Variants in PDE1A observed in about 807,000 individuals in gnomAD.
PDE1A encodes the protein phosphodiesterase 1A, also known as dual specificity calcium/calmodulin-dependent 3',5'-cyclic nucleotide phosphodiesterase 1A.
PDE1A carries 35 observed loss-of-function variants against 61.7 expected under a neutral mutation model. That is an observed-to-expected ratio of 0.57 (90% CI 0.43 to 0.75). The LOEUF is 0.75. PDE1A is among the 30% of genes least tolerant of loss of function. PDE1A has a pLI of 0.00. For missense variants in PDE1A, 597 were observed against 630.6 expected, an observed-to-expected ratio of 0.95 and a Z score of 0.57; for synonymous variants, 232 against 213.2, an observed-to-expected ratio of 1.09 and a Z score of -0.77.
chr2:182,552,046 CA>C, the PDE1A span, among the ~76,000 whole-genome samples: 3 of 152,084 alleles, frequency 2.0e-5, no homozygotes, highest in Non-Finnish European at 4.4e-5. Flanking sequence ...TGATCACTAC[CA>C]GCCAGCCATC....
chr2:182,453,433 T>A (rs1036819345), intron 2 of PDE1A, among the ~76,000 whole-genome samples: 1 of 151,310 alleles, frequency 6.6e-6, no homozygotes, highest in African/African-American at 2.4e-5. Context: ...AACTTCTTCA[T>A]TAAAAAAAAA....
chr2:182,334,122 C>A (rs1272766795), intron 1 of PDE1A, among the ~76,000 whole-genome samples: 1 of 152,078 alleles, frequency 6.6e-6, no homozygotes, highest in South Asian at 2.1e-4. Context: ...CAGGACCAGA[C>A]AGATTCACAG....
chr2:182,233,706 C>T (rs1689763520), intron 4 of PDE1A, among the ~76,000 whole-genome samples: 1 of 151,390 alleles, frequency 6.6e-6, no homozygotes, highest in South Asian at 2.1e-4. Context: ...GCAATCGAAA[C>T]AAGTTTAGAA....
At chr2:182,304,820 A>G (rs1311738328) in intron 1 of PDE1A, among the ~76,000 whole-genome samples, 1 of 152,206 alleles carries the variant, frequency 6.6e-6, no homozygotes, top group Non-Finnish European at 1.5e-5. Context: ...ACTGATCACC[A>G]TAACACACAT....
At chr2:182,265,525 AAT>A (rs1023028971) in intron 1 of PDE1A, among the ~76,000 whole-genome samples, 6 of 152,078 alleles carry the variant, frequency 3.9e-5, no homozygotes, top group Non-Finnish European at 8.8e-5. Context: ...GATGTGTCCC[AAT>A]GCTCTGAGGA....
chr2:182,570,885 C>A, the PDE1A span, among the ~76,000 whole-genome samples: 1 of 152,098 alleles, frequency 6.6e-6, no homozygotes, highest in African/African-American at 2.4e-5. Context: ...GCCTGTGGAG[C>A]ACTGGGTAAG....
the PDE1A span, among the ~76,000 whole-genome samples, chr2:182,538,020 T>A: frequency 9.2e-5 from 14 of 152,122 alleles, no homozygotes; most frequent in Admixed American, 4.6e-4. Context: ...TCCCCTGCAC[T>A]CTCTTTCCCA....
At chr2:182,686,116 T>C in the PDE1A span, among the ~76,000 whole-genome samples, 1 of 152,186 alleles carries the variant, frequency 6.6e-6, no homozygotes, top group Admixed American at 6.5e-5. Flanking sequence ...CTGGAAAATT[T>C]TCTGATCACT....
At chr2:182,483,740 G>A (rs1338948364) in intron 2 of PDE1A, among the ~76,000 whole-genome samples, 2 of 151,724 alleles carry the variant, frequency 1.3e-5, no homozygotes, top group Non-Finnish European at 2.9e-5. Context: ...GGAAAGAAAA[G>A]CCTAAGCAAG....
At chr2:182,522,665 CGACT>C in exon 1 of PDE1A, 1 of 1,135,684 alleles carries the variant, frequency 8.8e-7, no homozygotes. Flanking sequence ...TACTACTGAC[CGACT>C]GAGTACTCAA....
At chr2:182,472,955 A>T (rs559445041) in intron 2 of PDE1A, among the ~76,000 whole-genome samples, 2,704 of 150,520 alleles carry the variant, frequency 0.018, 46 homozygotes, top group Non-Finnish European at 0.027. Flanking sequence ...TTTTTTTTTT[A>T]AATTTTTTAT....
At chr2:182,260,354 C>A (rs1363037390) in intron 2 of PDE1A, among the ~76,000 whole-genome samples, 1 of 152,136 alleles carries the variant, frequency 6.6e-6, no homozygotes, top group Non-Finnish European at 1.5e-5. Flanking sequence ...GCTTCTTGGA[C>A]CTGACTCCTT....
At chr2:182,669,718 C>T in the PDE1A span, among the ~76,000 whole-genome samples, 3 of 152,280 alleles carry the variant, frequency 2.0e-5, no homozygotes. Flanking sequence ...TAGGTGGTTC[C>T]CACACTTCTT....
rs182266764 is a variant in PDE1A at position 182,309,050 on chromosome 2, A to G, written c.54-44636T>C. 1.5e-3 allele frequency among the ~76,000 whole-genome samples: 232 copies of G among 151,704 alleles called. 1 individual carries two copies. The highest frequency in any genetic ancestry group is 4.9e-3 in the African/African-American group (202 of 41,496). ...TTTAAAAAAAAAAAAAGTGACAAAG[A>G]AGTTCACACAGGGAAAAAGCAGAGT... On this transcript the variant is annotated intron_variant, in intron 1 of 13. Transcript: ENST00000351439.
At chr2:182,633,554 GC>G in the PDE1A span, among the ~76,000 whole-genome samples, 1 of 152,178 alleles carries the variant, frequency 6.6e-6, no homozygotes, top group African/African-American at 2.4e-5. Context: ...GGAAGGAGGA[GC>G]GTTGTTAATC....
intron 2 of PDE1A, among the ~76,000 whole-genome samples, chr2:182,513,115 A>G (rs1180638359): frequency 6.6e-6 from 1 of 152,138 alleles, no homozygotes; most frequent in Non-Finnish European, 1.5e-5. Flanking sequence ...GTGAGATACT[A>G]TACAAGATGA....
intron 2 of PDE1A, among the ~76,000 whole-genome samples, chr2:182,436,422 T>C (rs1310941526): frequency 6.6e-6 from 1 of 152,012 alleles, no homozygotes; most frequent in African/African-American, 2.4e-5. Context: ...AACTGGTCAG[T>C]AGTGCTTTCC....
chr2:182,560,526 G>T, the PDE1A span, among the ~76,000 whole-genome samples: 2,594 of 150,874 alleles, frequency 0.017, 75 homozygotes, highest in African/African-American at 0.06. Context: ...ATAAACATAC[G>T]TGTGCATGTG....
intron 2 of PDE1A, among the ~76,000 whole-genome samples, chr2:182,516,847 G>A (rs866243770): frequency 9.9e-5 from 12 of 120,844 alleles, no homozygotes; most frequent in African/African-American, 3.4e-4. Context: ...GGGAGGGAGG[G>A]AGGGAGGGAG....
Sources: gnomAD v4.1 joint callset for allele counts (sites outside exome capture counted in the v4.1 genomes callset) on GRCh38, gnomAD v4.1.1 for gene constraint, MANE v1.5 for transcripts, NCBI Gene and HGNC (gene_info 2026-07-23, HGNC 2026-07-21) for gene names.